TTN: variants seen among roughly 807,000 people sequenced by gnomAD.
TTN encodes titin.
Under a neutral mutation model 3,223.0 loss-of-function variants are expected in TTN, and 1,525 were observed. The ratio of observed to expected loss-of-function variants is 0.47; its 90% CI spans 0.45 to 0.49. TTN has a LOEUF of 0.49. Ranked by LOEUF, TTN falls within the 20% of genes least tolerant of loss-of-function variation. TTN has a pLI of 0.00. For synonymous variants in TTN, 14,094 were observed against 15,161.0 expected (o/e 0.93, Z 5.17); for missense variants, 40,786 against 43,424.0 (o/e 0.94, Z 5.40).
intron 47 of TTN, chr2:178,748,563 T>TC: frequency 6.2e-7 from 1 of 1,613,112 alleles, no homozygotes; most frequent in Non-Finnish European, 8.5e-7. Flanking sequence ...AATACAATGT[T>TC]CTCAGTGTCA....
chr2:178,571,010 T>C lies in TTN; in HGVS notation c.75122A>G (p.Tyr25041Cys), dbSNP rs375688406. The change falls in exon 326 of 363, where the codon TAT becomes TGT. Residue 25041 changes from tyrosine to cysteine, a missense_variant. Transcript: ENST00000589042. ...AGGTAATTCTTTCTTCTCAACAATATAACCAGTGATCTTGCTTCCACCGTC... is the reference window on the plus strand; with the variant it reads ...AGGTAATTCTTTCTTCTCAACAATACAACCAGTGATCTTGCTTCCACCGTC... ...TYDGGSKITGYIVEKKELPEG... is the reference protein window; with the variant it reads ...TYDGGSKITGCIVEKKELPEG... 4 of 1,612,830 alleles carry C rather than the reference T, an allele frequency of 2.5e-6. No homozygotes were observed. The African/African-American group carries it at 5.3e-5, about 22-fold the overall frequency.
chr2:178,593,469 G>A lies in TTN; in HGVS notation c.58739C>T (p.Pro19580Leu). ...SMKAKDRFRVPDAPDQPIVTE... is the reference protein window; with the variant it reads ...SMKAKDRFRVLDAPDQPIVTE... ...AACAATTGGCTGATCAGGTGCATCA[G>A]GAACCCCTGTAACAAATGTTGGAAA... The change falls in exon 299 of 363, where the codon CCT (proline) becomes CTT (leucine). Residue 19580 changes from proline (P) to leucine (L), a missense_variant. By Grantham distance (98) the Pro-to-Leu change is moderately conservative (BLOSUM62 -3). Transcript: ENST00000589042. 1 of 1,608,504 alleles carries A rather than the reference G, an allele frequency of 6.2e-7. No individual in the cohort carries two copies. The highest frequency in any genetic ancestry group is 8.5e-7 in the Non-Finnish European group (1 of 1,178,678).
intron 22 of TTN, 116 bp downstream of exon 22, chr2:178,779,884 G>T: frequency 2.0e-6 from 2 of 996,528 alleles, no homozygotes; most frequent in Non-Finnish European, 3.0e-6. Context: ...CAGTGAACTT[G>T]GACCTTCTAA....
At chr2:178,799,950 A>G in intron 4 of TTN, 40 bp from the exon 5 acceptor site, 1 of 1,594,744 alleles carries the variant, frequency 6.3e-7, no homozygotes, top group Non-Finnish European at 8.6e-7. Context: ...AGGGGGCACA[A>G]TGACCCATTT....
chr2:178,695,895 C>A lies in TTN; in HGVS notation c.31177G>T (p.Val10393Leu). 1 of 1,459,672 alleles carries A rather than the reference C, an allele frequency of 6.9e-7. No individual in the cohort carries two copies. The highest frequency in any genetic ancestry group is 1.4e-5 in the African/African-American group (1 of 69,972). 90.4% of individuals were successfully genotyped at this position (1,459,672 alleles called of 1,614,324 possible). The part of the protein sequence containing the change: ...EWEEAYQERE[V>L]IQVQKEVYEE... Reference sequence around the variant, plus strand: ...TAGACCTCCTTTTGAACTTGAATTACTTCCCTTTCTTGGTAAGCCTCTTCC... The same window carrying A: ...TAGACCTCCTTTTGAACTTGAATTAATTCCCTTTCTTGGTAAGCCTCTTCC... The change falls in exon 114 of 363, where the codon GTA becomes TTA. Residue 10393 changes from valine to leucine, a missense_variant. Transcript: ENST00000589042.
rs977590055 is a variant in TTN at position 178,698,704 on chromosome 2, G to A, written c.30754+139C>T. The stretch of plus-strand genomic sequence containing the variant: ...AGAGAGTGAGGACTGAGTCAAAGAC[G>A]AGGGCGAAAGTGAGTGAAGGGAGAG... On this transcript the variant is annotated intron_variant, in intron 112 of 362. Transcript: ENST00000589042. 7 of 764,006 alleles carry A rather than the reference G, an allele frequency of 9.2e-6. No homozygotes were observed. The African/African-American group carries it at 9.2e-5, about 10-fold the overall frequency. 47.3% of individuals were successfully genotyped at this position (764,006 alleles called of 1,614,324 possible). A position where few individuals can be genotyped will look rare whatever the true frequency, so the allele number is the denominator to read the frequency against.
Position 178,557,392 on chromosome 2 carries a change from C to T in TTN, c.87870G>A (p.Leu29290=). Residue 29290 remains leucine, a synonymous_variant, in exon 329 of 363, where the codon CTG becomes CTA. Coordinates refer to ENST00000589042, the MANE Select transcript of TTN (RefSeq NM_001267550.2). ...NSILWQKANK[L]VIRTTHFKVT... ...CTTTGAAGTGAGTTGTGCGGATGAC[C>T]AGTTTGTTGGCTTTTTGCCATAAAA... is the stretch of plus-strand genomic sequence containing the variant. The T allele has an allele frequency of 1.2e-6, 2 of 1,613,920 alleles. No individual in the cohort carries two copies. The highest frequency in any genetic ancestry group is 1.7e-6 in the Non-Finnish European group (2 of 1,179,844).
rs904836264 is a variant in TTN at position 178,728,274 on chromosome 2, T to C, written c.19550A>G (p.Asp6517Gly). ...SLPISAQWFK[D>G]GKEISTSAKY... ...TGCACTTGTAGATATTTCTTTTCCA[T>C]CCTTAAACCACTGAGCACTAATGGG... Residue 6517 changes from aspartate (D) to glycine (G), a missense_variant, in exon 67 of 363, where the codon GAT becomes GGT. Transcript: ENST00000589042. 2 of 1,613,338 alleles carry C rather than the reference T, an allele frequency of 1.2e-6. No individual in the cohort carries two copies. The highest frequency in any genetic ancestry group is 8.5e-7 in the Non-Finnish European group (1 of 1,179,532).
chr2:178,749,946 C>T (rs867360963), intron 47 of TTN: 1 of 1,613,042 alleles, frequency 6.2e-7, no homozygotes, highest in Non-Finnish European at 8.5e-7. Context: ...TTAGTAATAT[C>T]AGACAAAAAT....
chr2:178,650,974 T>C, intron 208 of TTN, 140 bp from the exon 209 acceptor site: 1 of 944,688 alleles, frequency 1.1e-6, no homozygotes, highest in Non-Finnish European at 1.6e-6. Flanking sequence ...TGATCTGTCT[T>C]TGGACCCTCA....
Position 178,633,455 on chromosome 2 carries a change from C to T in TTN, c.42904G>A (p.Asp14302Asn). 6.2e-7 allele frequency: 1 copy of T among 1,613,380 alleles called. No individual in the cohort carries two copies. The highest frequency in any genetic ancestry group is 8.5e-7 in the Non-Finnish European group (1 of 1,179,594). ...DLKDKGEYVC[D>N]CGTDKTKANV... Reference sequence around the variant, plus strand: ...GCCTTGGTCTTGTCTGTGCCACAGTCACACACATATTCGCCTTTATCTTTA... The same window carrying T: ...GCCTTGGTCTTGTCTGTGCCACAGTTACACACATATTCGCCTTTATCTTTA... The change falls in exon 232 of 363, where the codon GAC becomes AAC. Residue 14302 changes from aspartate to asparagine, a missense_variant. Physicochemically the swap from Asp to Asn is conservative, Grantham distance 23 (BLOSUM62 1). Coordinates refer to ENST00000589042, the MANE Select transcript of TTN (RefSeq NM_001267550.2).
Position 178,804,667 on chromosome 2 carries a change from G to A in TTN, c.-13-12C>T. On this transcript the variant is annotated splice_polypyrimidine_tract_variant and intron_variant, in intron 1 of 362. Transcript: ENST00000589042. The stretch of plus-strand genomic sequence containing the variant: ...TCTTTCTAGGCACTCTGAAAAAGAA[G>A]AGAAAATAAATTAGGGTGTCCCAGC... 6.2e-7 allele frequency: 1 copy of A among 1,612,576 alleles called. No homozygotes were observed. Among genetic ancestry groups the A allele is most frequent in the Non-Finnish European group, 8.5e-7 (1 of 1,179,230 alleles).
In TTN at chr2:178,730,757, T is replaced by G; in HGVS notation, c.17776A>C (p.Lys5926Gln). 1 of 1,607,374 alleles carries G rather than the reference T, an allele frequency of 6.2e-7. No individual in the cohort carries two copies. Among genetic ancestry groups the G allele is most frequent in the Non-Finnish European group, 8.5e-7 (1 of 1,175,306 alleles). Residue 5926 changes from lysine to glutamine, a missense_variant, in exon 61 of 363, where the codon AAG (lysine) becomes CAG (glutamine). Lys to Gln is a moderately conservative substitution (Grantham distance 53). Transcript: ENST00000589042. Reference sequence around the variant, plus strand: ...GAACCTTTAATGCTGTCCATTTTCTTCAGCTTTTTGGTGAATGAAGGAGGT... The same window carrying G: ...GAACCTTTAATGCTGTCCATTTTCTGCAGCTTTTTGGTGAATGAAGGAGGT... ...IIPPSFTKKL[K>Q]KMDSIKGSFI... is the part of the protein sequence containing the mutation.
At chr2:178,630,694 G>C in intron 238 of TTN, 110 bp downstream of exon 238, 1 of 1,478,778 alleles carries the variant, frequency 6.8e-7, no homozygotes, top group Non-Finnish European at 9.1e-7. Context: ...GGGTCTGATA[G>C]AGAAACTGCT....
chr2:178,707,389 A>C (rs2076039045), intron 100 of TTN, 137 bp downstream of exon 100: 1 of 1,005,030 alleles, frequency 9.9e-7, no homozygotes. Context: ...CAATTATAAT[A>C]AGGAGCCTAC....
In TTN at chr2:178,741,499, T is replaced by C. The variant is rs758429866; in HGVS notation, c.11734A>G (p.Lys3912Glu). Residue 3912 changes from lysine (K) to glutamate (E), a missense_variant, in exon 48 of 363, where the codon AAA becomes GAA. Coordinates refer to ENST00000589042, the MANE Select transcript of TTN (RefSeq NM_001267550.2). ...TCAGTGTCTTTGTGACCCTCTCCTT[T>C]GGAATTAATTTTTAGATAGGCACTA... is the stretch of plus-strand genomic sequence containing the variant. ...ICSAYLKINSKGEGHKDTETE... is the reference protein window; with the variant it reads ...ICSAYLKINSEGEGHKDTETE... 1 of 1,613,840 alleles carries C rather than the reference T, an allele frequency of 6.2e-7. No homozygotes were observed. The highest frequency in any genetic ancestry group is 2.2e-5 in the East Asian group (1 of 44,850).
chr2:178,568,377 C>A lies in TTN; in HGVS notation c.77755G>T (p.Gly25919Trp). Residue 25919 changes from glycine to tryptophan, a missense_variant, in exon 326 of 363, where the codon GGG (glycine) becomes TGG (tryptophan). Coordinates refer to ENST00000589042, the MANE Select transcript of TTN (RefSeq NM_001267550.2). ...ATGTAGTTGGTGATTTGGCAGCCCC[C>A]TGTATATAATGGAGGGTTCCAAGAT... ...TLSWNPPLYT[G>W]GCQITNYIVQ... 5 of 1,613,238 alleles carry A rather than the reference C, an allele frequency of 3.1e-6. No homozygotes were observed. Among genetic ancestry groups the A allele is most frequent in the Non-Finnish European group, 4.2e-6 (5 of 1,179,540 alleles).
rs1266329285 is a variant in TTN, at chr2:178,680,455, G to T, written c.33341-124C>A. On this transcript the variant is annotated intron_variant, in intron 138 of 362. Transcript: ENST00000589042. ...CCTTTAATGAGATACATATGCGATTGTTCATCTTTAAGAAACTATATACTC... is the reference window on the plus strand; with the variant it reads ...CCTTTAATGAGATACATATGCGATTTTTCATCTTTAAGAAACTATATACTC... The T allele has an allele frequency of 1.4e-5, 11 of 799,986 alleles. No individual in the cohort carries two copies. The South Asian group carries it at 1.4e-4, about 10-fold the overall frequency. 49.6% of individuals were successfully genotyped at this position (799,986 alleles called of 1,614,324 possible). A position where few individuals can be genotyped will look rare whatever the true frequency, so the allele number is the denominator to read the frequency against.
At chr2:178,601,628 T>C in intron 286 of TTN, 30 bp downstream of exon 286, 1 of 1,584,068 alleles carries the variant, frequency 6.3e-7, no homozygotes, top group Non-Finnish European at 8.6e-7. Context: ...TTTGTTTTTA[T>C]TCTGTAGCAA....
Sources: gnomAD v4.1 joint callset for allele counts on GRCh38, gnomAD v4.1.1 for gene constraint, MANE v1.5 for transcripts, NCBI Gene and HGNC (gene_info 2026-07-23, HGNC 2026-07-21) for gene names.